BDKRB2: variants seen among roughly 807,000 people sequenced by gnomAD.
The protein encoded by BDKRB2 is B2 bradykinin receptor.
A neutral mutation model predicts 4.0 loss-of-function variants in BDKRB2; 6 were observed. The ratio of observed to expected loss-of-function variants is 1.49; its 90% CI spans 0.81 to 2.93. The LOEUF is 2.93. Among genes scored for constraint, BDKRB2 ranks in the 30% most tolerant of loss-of-function variants. BDKRB2 has a pLI of 0.00. For synonymous variants in BDKRB2, 225 were observed against 215.3 expected, an observed-to-expected ratio of 1.05 and a Z score of -0.40; for missense variants, 478 against 520.1, an observed-to-expected ratio of 0.92 and a Z score of 0.79.
Position 96,241,778 on chromosome 14 carries a change from T to G in BDKRB2, c.*274T>G. ...TGCCACACCTGAGCCAGCCTGCTCC[T>G]TCCCAGGAGTGGAGGAGGCCTGGGG... is the stretch of plus-strand genomic sequence containing the variant. On this transcript the variant is annotated 3_prime_UTR_variant, in exon 3 of 3. Coordinates refer to ENST00000554311, the MANE Select transcript of BDKRB2 (RefSeq NM_001379692.1). The G allele has an allele frequency of 9.4e-6, 3 of 318,364 alleles. No homozygotes were observed. The highest frequency in any genetic ancestry group is 1.1e-4 in the South Asian group (1 of 9,206). The allele number at this position is 318,364 out of a possible 1,614,324, so 19.7% of individuals were successfully genotyped here.
intron 1 of BDKRB2, chr14:96,211,250 T>C (rs959985168): frequency 3.9e-5 from 6 of 152,036 alleles, no homozygotes; most frequent in Admixed American, 3.9e-4. Context: ...GCTCTAAGAG[T>C]GCAGGGGTCA....
chr14:96,208,840 G>C (rs1041406307), intron 1 of BDKRB2, among the ~76,000 whole-genome samples: 2 of 152,112 alleles, frequency 1.3e-5, no homozygotes, highest in Non-Finnish European at 1.5e-5. Context: ...ACCCCTCTGA[G>C]CCTCTCTGAT....
chr14:96,238,030 C>T (rs1890978369), intron 2 of BDKRB2: 4 of 1,144,934 alleles, frequency 3.5e-6, no homozygotes, highest in Non-Finnish European at 4.3e-6. Flanking sequence ...AAGGGGACTA[C>T]CCAGGGGAAG....
intron 1 of BDKRB2, among the ~76,000 whole-genome samples, chr14:96,209,977 C>T (rs1290271338): frequency 6.7e-6 from 1 of 150,206 alleles, no homozygotes; most frequent in Non-Finnish European, 1.5e-5. Context: ...GGCTGGGTGA[C>T]AGAGCAAGAC....
At chr14:96,230,750 G>A (rs1398566359) in intron 1 of BDKRB2, among the ~76,000 whole-genome samples, 1 of 152,088 alleles carries the variant, frequency 6.6e-6, no homozygotes, top group Non-Finnish European at 1.5e-5. Context: ...CCAAGTAGCT[G>A]GGATTATAGG....
Position 96,240,784 on chromosome 14 carries a change from C to T in BDKRB2, c.456C>T (p.Ser152=). 1 of 1,557,796 alleles carries T rather than the reference C, an allele frequency of 6.4e-7. No homozygotes were observed. Among genetic ancestry groups the T allele is most frequent in the Non-Finnish European group, 8.7e-7 (1 of 1,153,448 alleles). ...GCATCTGTTTCCTGATGCTGGTGAG[C>T]ATCGACCGCTACCTGGCCCTGGTGA... ...YSSICFLMLV[S]IDRYLALVKT... Residue 152 remains serine (S), a synonymous_variant, in exon 3 of 3, where the codon AGC becomes AGT. Coordinates refer to ENST00000554311, the MANE Select transcript of BDKRB2 (RefSeq NM_001379692.1).
At chr14:96,214,583 T>G (rs1288559722) in intron 1 of BDKRB2, 1 of 152,308 alleles carries the variant, frequency 6.6e-6, no homozygotes, top group Non-Finnish European at 1.5e-5. Context: ...ACCCCTTCGT[T>G]GTACAGCAGG....
chr14:96,216,040 GA>G (rs1398468319), intron 1 of BDKRB2, among the ~76,000 whole-genome samples: 2 of 152,196 alleles, frequency 1.3e-5, no homozygotes, highest in Non-Finnish European at 2.9e-5. Context: ...AGACTCACAG[GA>G]GCCAAGCAGA....
At chr14:96,213,431 A>G (rs548690034) in intron 1 of BDKRB2, among the ~76,000 whole-genome samples, 41 of 152,130 alleles carry the variant, frequency 2.7e-4, no homozygotes, top group African/African-American at 8.4e-4. Flanking sequence ...AGCCTCCAGC[A>G]TCAGGAGCCA....
chr14:96,219,350 T>C (rs893690508), intron 1 of BDKRB2, among the ~76,000 whole-genome samples: 2 of 152,006 alleles, frequency 1.3e-5, no homozygotes, highest in African/African-American at 4.8e-5. Context: ...TTTTCTCTTA[T>C]GAGAAAAATA....
intron 1 of BDKRB2, chr14:96,211,220 T>G (rs755413107): frequency 6.6e-5 from 10 of 152,276 alleles, no homozygotes; most frequent in Middle Eastern, 3.4e-3. Context: ...TAGCACCCAC[T>G]CATGCTTGGC....
chr14:96,217,974 C>G (rs1202348452), intron 1 of BDKRB2, among the ~76,000 whole-genome samples: 1 of 152,098 alleles, frequency 6.6e-6, no homozygotes, highest in Admixed American at 6.5e-5. Flanking sequence ...TCCCCACTTA[C>G]GAGCCTGTGA....
At chr14:96,237,861 C>T (rs1474650728) in intron 2 of BDKRB2, 6 of 1,288,416 alleles carry the variant, frequency 4.7e-6, no homozygotes, top group Admixed American at 2.3e-5. Flanking sequence ...AGGATCCATC[C>T]CCTTGGCTAC....
chr14:96,241,434 C>T lies in BDKRB2; in HGVS notation c.1106C>T (p.Thr369Ile), dbSNP rs896082320. The change falls in exon 3 of 3, where the codon ACA becomes ATA. Residue 369 changes from threonine to isoleucine, a missense_variant. Coordinates refer to ENST00000554311, the MANE Select transcript of BDKRB2 (RefSeq NM_001379692.1). The stretch of plus-strand genomic sequence containing the variant: ...ATTCAGATGGAGAACTCCATGGGCA[C>T]ACTGCGGACCTCCATCTCCGTGGAA... The part of the protein sequence containing the change: ...EPIQMENSMG[T>I]LRTSISVERQ... 1.3e-6 allele frequency: 2 copies of T among 1,598,402 alleles called. No individual in the cohort carries two copies. The highest frequency in any genetic ancestry group is 1.7e-6 in the Non-Finnish European group (2 of 1,176,616).
At position 96,228,338 on chromosome 14, in the gene BDKRB2, C is replaced by A. The variant is rs540758312; in HGVS notation, c.-39-8731C>A. Reference sequence around the variant, plus strand: ...CTCAGTGGAGAGTGAGGGTGACAGCCTTTTACACCCTGCCCTCTTGGTACC... The same window carrying A: ...CTCAGTGGAGAGTGAGGGTGACAGCATTTTACACCCTGCCCTCTTGGTACC... On this transcript the variant is annotated intron_variant, in intron 1 of 2. Coordinates refer to ENST00000554311, the MANE Select transcript of BDKRB2 (RefSeq NM_001379692.1). 1.2e-4 allele frequency among the ~76,000 whole-genome samples: 19 copies of A among 152,318 alleles called. 1 individual carries two copies. Among genetic ancestry groups the A allele is most frequent in the Admixed American group, 1.2e-3 (18 of 15,296 alleles).
chr14:96,212,388 A>G (rs1566687647), intron 1 of BDKRB2, among the ~76,000 whole-genome samples: 1 of 141,354 alleles, frequency 7.1e-6, no homozygotes. Context: ...AAATTATTAA[A>G]CCAAAAAGAT....
chr14:96,206,765 G>A (rs1334543943), intron 1 of BDKRB2, among the ~76,000 whole-genome samples: 3 of 152,100 alleles, frequency 2.0e-5, no homozygotes, highest in East Asian at 1.9e-4. Context: ...GGTGGGGGGA[G>A]CCCTGCAGAT....
At chr14:96,214,301 C>G (rs1890369916) in intron 1 of BDKRB2, among the ~76,000 whole-genome samples, 1 of 152,158 alleles carries the variant, frequency 6.6e-6, no homozygotes, top group Non-Finnish European at 1.5e-5. Context: ...TGAGGGCACC[C>G]AGGCCCATCA....
intron 1 of BDKRB2, among the ~76,000 whole-genome samples, chr14:96,221,773 A>G (rs1217847845): frequency 6.6e-6 from 1 of 152,042 alleles, no homozygotes; most frequent in Non-Finnish European, 1.5e-5. Context: ...GACTCTAGAA[A>G]GAAGGGGCCA....
Sources: allele counts gnomAD v4.1 joint callset (sites outside exome capture counted in the v4.1 genomes callset), GRCh38; gene constraint gnomAD v4.1.1; transcripts MANE v1.5; gene names NCBI Gene and HGNC (gene_info 2026-07-23, HGNC 2026-07-21).